Variants in PTCSC3 observed in about 807,000 individuals in gnomAD.
PTCSC3 encodes the protein papillary thyroid carcinoma susceptibility candidate 3 (non-protein coding).
chr14:36,148,760 T>G (rs1328913867), intron 3 of PTCSC3, among the ~76,000 whole-genome samples: 4 of 152,160 alleles, frequency 2.6e-5, no homozygotes, highest in Non-Finnish European at 5.9e-5. Context: ...TTTTTATAGA[T>G]CTTTTGAGGA....
At chr14:36,165,169 C>G (rs943870397) in intron 1 of PTCSC3, 1 of 152,182 alleles carries the variant, frequency 6.6e-6, no homozygotes, top group African/African-American at 2.4e-5. Flanking sequence ...CCTCTCCCCA[C>G]GTGCAGTCAG....
chr14:36,136,862 T>C (rs957121400), intron 3 of PTCSC3, among the ~76,000 whole-genome samples: 1 of 152,160 alleles, frequency 6.6e-6, no homozygotes, highest in Non-Finnish European at 1.5e-5. Context: ...GAAAGAGATA[T>C]TGAATGGCTA....
intron 3 of PTCSC3, among the ~76,000 whole-genome samples, chr14:36,142,305 A>C (rs1242534441): frequency 1.3e-5 from 2 of 152,144 alleles, no homozygotes; most frequent in Admixed American, 1.3e-4. Flanking sequence ...GATTTTATGG[A>C]TTATATTAAT....
At chr14:36,166,770 G>A (rs1009501832) in intron 1 of PTCSC3, among the ~76,000 whole-genome samples, 1 of 151,990 alleles carries the variant, frequency 6.6e-6, no homozygotes, top group Admixed American at 6.5e-5. Context: ...AACTGTGCAG[G>A]GATTGCCAAT....
chr14:36,157,086 A>T (rs911456680), intron 2 of PTCSC3, among the ~76,000 whole-genome samples: 5 of 152,080 alleles, frequency 3.3e-5, no homozygotes, highest in Non-Finnish European at 7.4e-5. Context: ...TTGTTTCCTG[A>T]CTTTTTCATG....
chr14:36,162,258 G>GAAAA (rs58223160), intron 2 of PTCSC3, among the ~76,000 whole-genome samples: 1,091 of 106,440 alleles, frequency 0.01, 45 homozygotes, highest in African/African-American at 0.032. Context: ...CTGGGGTATG[G>GAAAA]AAAAAAAAAA....
chr14:36,149,769 G>C (rs747667793), intron 3 of PTCSC3, among the ~76,000 whole-genome samples: 1 of 152,048 alleles, frequency 6.6e-6, no homozygotes, highest in African/African-American at 2.4e-5. Context: ...AATCAACGTA[G>C]CTTCTTCAGC....
intron 3 of PTCSC3, among the ~76,000 whole-genome samples, chr14:36,150,371 A>G (rs907521766): frequency 6.6e-6 from 1 of 152,140 alleles, no homozygotes; most frequent in Non-Finnish European, 1.5e-5. Flanking sequence ...GTACCCTGAA[A>G]CAAGGTACCA....
intron 1 of PTCSC3, among the ~76,000 whole-genome samples, chr14:36,170,329 A>G (rs1882168926): frequency 6.6e-6 from 1 of 152,110 alleles, no homozygotes; most frequent in Non-Finnish European, 1.5e-5. Flanking sequence ...AATAACCTCA[A>G]TTCAGTATTC....
rs370252602 is a variant in PTCSC3, at chr14:36,152,763, G to A, written n.322+1041C>T. 8.9e-4 allele frequency among the ~76,000 whole-genome samples: 135 copies of A among 151,778 alleles called. 2 individuals are homozygous for A. In the South Asian group the frequency reaches 0.024, roughly 27 times the overall value. On this transcript the variant is annotated intron_variant and non_coding_transcript_variant, in intron 3 of 3. Transcript: ENST00000556013. Reference sequence around the variant, plus strand: ...AAAAAAAATAGCTAGGCATGGTGGCGGGCACCTGTAATCCCAGCTACTTGG... The same window carrying A: ...AAAAAAAATAGCTAGGCATGGTGGCAGGCACCTGTAATCCCAGCTACTTGG...
At chr14:36,140,818 T>C (rs1320763745) in intron 3 of PTCSC3, among the ~76,000 whole-genome samples, 1 of 152,194 alleles carries the variant, frequency 6.6e-6, no homozygotes, top group Non-Finnish European at 1.5e-5. Context: ...CCTTGGATCA[T>C]TTAGATTTTC....
intron 2 of PTCSC3, among the ~76,000 whole-genome samples, chr14:36,161,055 T>G (rs1881946103): frequency 6.6e-6 from 1 of 152,226 alleles, no homozygotes. Flanking sequence ...TCGTGCTGTG[T>G]TTTTCAGCTC....
At chr14:36,161,840 C>A (rs887494563) in intron 2 of PTCSC3, among the ~76,000 whole-genome samples, 1 of 152,162 alleles carries the variant, frequency 6.6e-6, no homozygotes, top group African/African-American at 2.4e-5. Flanking sequence ...CCTTCCCCCA[C>A]GTGCCCTGTC....
intron 3 of PTCSC3, among the ~76,000 whole-genome samples, chr14:36,145,313 TATTG>T (rs1485711975): frequency 6.6e-6 from 1 of 151,636 alleles, no homozygotes; most frequent in Non-Finnish European, 1.5e-5. Context: ...GTTGGTAAGA[TATTG>T]ATTATTGCCC....
downstream of PTCSC3, among the ~76,000 whole-genome samples, chr14:36,135,518 G>A (rs917479017): frequency 6.6e-6 from 1 of 152,126 alleles, no homozygotes; most frequent in Non-Finnish European, 1.5e-5. Context: ...ATTACTACTG[G>A]AGAAGTGTCT....
intron 3 of PTCSC3, among the ~76,000 whole-genome samples, chr14:36,141,101 A>G (rs926208859): frequency 2.0e-5 from 3 of 152,138 alleles, no homozygotes; most frequent in Admixed American, 1.3e-4. Context: ...CAATTTGTCT[A>G]TTTTTTAAAT....
At chr14:36,157,011 C>G (rs921057951) in intron 2 of PTCSC3, among the ~76,000 whole-genome samples, 2 of 152,156 alleles carry the variant, frequency 1.3e-5, no homozygotes, top group African/African-American at 4.8e-5. Flanking sequence ...AATGGTTGAA[C>G]TAATTTACCC....
intron 3 of PTCSC3, among the ~76,000 whole-genome samples, chr14:36,153,471 T>A (rs757743699): frequency 6.6e-6 from 1 of 152,224 alleles, no homozygotes; most frequent in African/African-American, 2.4e-5. Context: ...GTTGACACGA[T>A]GTTGACACCC....
intron 3 of PTCSC3, among the ~76,000 whole-genome samples, chr14:36,140,683 T>C (rs905121354): frequency 3.9e-5 from 6 of 152,192 alleles, no homozygotes; most frequent in Admixed American, 1.3e-4. Flanking sequence ...TTGGGTTATC[T>C]TTTTGTGGCT....
Sources: gnomAD v4.1 joint callset for allele counts (sites outside exome capture counted in the v4.1 genomes callset) on GRCh38, gnomAD v4.1.1 for gene constraint, MANE v1.5 for transcripts, NCBI Gene and HGNC (gene_info 2026-07-23, HGNC 2026-07-21) for gene names.